The following PARD3 variants were observed in gnomAD, a reference collection of about 807,000 sequenced individuals.
The protein encoded by PARD3 is partitioning defective 3 homolog.
In PARD3, 75 loss-of-function variants were observed where a neutral mutation model predicts 155.4. That is an observed-to-expected ratio of 0.48 (90% confidence interval 0.40 to 0.58). The LOEUF (loss-of-function observed/expected upper bound fraction) is 0.58, where lower values mean the gene tolerates loss of function less well. Among genes scored for constraint, PARD3 ranks in the 20% least tolerant of loss-of-function variants. PARD3 has a pLI of 0.00. For missense variants in PARD3, 1,642 were observed against 1,721.7 expected (o/e 0.95, Z 0.82); for synonymous variants, 576 against 610.5 (o/e 0.94, Z 0.83).
At chr10:34,128,273 G>T (rs1947395641) in intron 23 of PARD3, among the ~76,000 whole-genome samples, 1 of 152,142 alleles carries the variant, frequency 6.6e-6, no homozygotes, top group South Asian at 2.1e-4. Context: ...GCCACTCTGA[G>T]ACAAGACTTA....
chr10:34,651,097 G>A (rs1424813860), intron 2 of PARD3, among the ~76,000 whole-genome samples: 3 of 147,458 alleles, frequency 2.0e-5, no homozygotes, highest in East Asian at 2.0e-4. Context: ...TCATGGTGGC[G>A]AAGGAATCAC....
intron 1 of PARD3, among the ~76,000 whole-genome samples, chr10:34,751,981 A>C (rs1276100895): frequency 1.3e-5 from 2 of 151,986 alleles, no homozygotes; most frequent in Non-Finnish European, 2.9e-5. Flanking sequence ...GGACTTTGCG[A>C]GTAGGTTTGT....
intron 19 of PARD3, among the ~76,000 whole-genome samples, chr10:34,321,553 T>C (rs968782428): frequency 9.9e-5 from 15 of 152,228 alleles, no homozygotes; most frequent in African/African-American, 2.9e-4. Flanking sequence ...ATCAGCTATG[T>C]TTCCATGTGA....
At chr10:34,242,134 T>G (rs1564512510) in intron 22 of PARD3, among the ~76,000 whole-genome samples, 1 of 152,184 alleles carries the variant, frequency 6.6e-6, no homozygotes, top group Non-Finnish European at 1.5e-5. Context: ...CTGGAGCTCA[T>G]GGGAGAGGTC....
intron 19 of PARD3, 108 bp from the exon 20 acceptor site, chr10:34,317,446 T>C (rs1958078763): frequency 8.7e-7 from 1 of 1,153,670 alleles, no homozygotes; most frequent in Admixed American, 2.8e-5. Flanking sequence ...TACTGCAGTA[T>C]GGCCCTGCTA....
intron 22 of PARD3, among the ~76,000 whole-genome samples, chr10:34,263,370 C>T (rs1955123974): frequency 6.6e-6 from 1 of 151,866 alleles, no homozygotes; most frequent in African/African-American, 2.4e-5. Context: ...CAGAAGAGCC[C>T]AGGAAGAAGA....
intron 2 of PARD3, among the ~76,000 whole-genome samples, chr10:34,602,858 T>G (rs1479555137): frequency 1.3e-5 from 2 of 152,194 alleles, no homozygotes; most frequent in Non-Finnish European, 2.9e-5. Flanking sequence ...TGAATTTTTT[T>G]TAAAGGCCTC....
intron 2 of PARD3, among the ~76,000 whole-genome samples, chr10:34,543,662 TA>T (rs1450021961): frequency 2.6e-5 from 4 of 152,190 alleles, no homozygotes; most frequent in African/African-American, 9.7e-5. Context: ...TTGTCAAAAA[TA>T]TTTTTTTAAA....
chr10:34,789,709 G>GCC (rs200691336), intron 1 of PARD3, among the ~76,000 whole-genome samples: 5 of 150,722 alleles, frequency 3.3e-5, no homozygotes, highest in Non-Finnish European at 2.9e-5. Flanking sequence ...GTTACCACCC[G>GCC]CCCCCCCAAA....
At chr10:34,149,476 A>G (rs1948678764) in intron 22 of PARD3, among the ~76,000 whole-genome samples, 1 of 152,166 alleles carries the variant, frequency 6.6e-6, no homozygotes, top group South Asian at 2.1e-4. Context: ...AGCCAATATG[A>G]CAAATGGTCA....
At chr10:34,761,419 A>G (rs1837426959) in intron 1 of PARD3, among the ~76,000 whole-genome samples, 1 of 152,200 alleles carries the variant, frequency 6.6e-6, no homozygotes, top group Non-Finnish European at 1.5e-5. Context: ...AAAAAATAAA[A>G]GGAATCCCCA....
chr10:34,762,666 C>T (rs968266435), intron 1 of PARD3, among the ~76,000 whole-genome samples: 3 of 152,064 alleles, frequency 2.0e-5, no homozygotes, highest in Non-Finnish European at 4.4e-5. Context: ...GACAAAAACT[C>T]TTACGTTCCA....
rs183330054 is a variant in PARD3, at chr10:34,435,460, G to A, written c.714+14857C>T. ...AGAGAAAGACTGCCAGATCCAAATA[G>A]GTAGTAAGATAATGAGAATACAAAT... is the stretch of plus-strand genomic sequence containing the variant. On this transcript the variant is annotated intron_variant, in intron 5 of 24. Transcript: ENST00000374788. Among the ~76,000 whole-genome samples the A allele has an allele frequency of 1.7e-3, 264 of 152,276 alleles. 1 individual carries two copies. The highest frequency in any genetic ancestry group is 6.2e-3 in the African/African-American group (258 of 41,548).
At chr10:34,436,205 A>G (rs1043372034) in intron 5 of PARD3, among the ~76,000 whole-genome samples, 5 of 152,230 alleles carry the variant, frequency 3.3e-5, no homozygotes, top group Admixed American at 2.0e-4. Flanking sequence ...ATGCTCTAAC[A>G]GAGCAAGAAG....
At chr10:34,697,035 AACAC>A (rs538032384) in intron 1 of PARD3, among the ~76,000 whole-genome samples, 6 of 136,852 alleles carry the variant, frequency 4.4e-5, no homozygotes, top group African/African-American at 1.2e-4. Context: ...AAAATGCGTA[AACAC>A]ACACACACAC....
intron 1 of PARD3, among the ~76,000 whole-genome samples, chr10:34,786,452 TAGG>T (rs1840974719): frequency 6.6e-6 from 1 of 152,208 alleles, no homozygotes; most frequent in African/African-American, 2.4e-5. Flanking sequence ...TTACAGCAGT[TAGG>T]CCCCATAAGA....
chr10:34,344,174 C>CTTACAAA, intron 15 of PARD3: 1 of 984,342 alleles, frequency 1.0e-6, no homozygotes, highest in Non-Finnish European at 1.2e-6. Flanking sequence ...AAGTCCCAGG[C>CTTACAAA]TTACAAATGA....
At chr10:34,233,466 A>C (rs750301369) in intron 22 of PARD3, among the ~76,000 whole-genome samples, 1 of 151,906 alleles carries the variant, frequency 6.6e-6, no homozygotes, top group Non-Finnish European at 1.5e-5. Flanking sequence ...TACCATCTGC[A>C]TGTTGATTTC....
intron 24 of PARD3, among the ~76,000 whole-genome samples, chr10:34,117,107 T>A: frequency 6.6e-6 from 1 of 152,196 alleles, no homozygotes; most frequent in Non-Finnish European, 1.5e-5. Flanking sequence ...GCAACTGCCC[T>A]GCCTTCCCGG....
Sources: allele counts gnomAD v4.1 joint callset (sites outside exome capture counted in the v4.1 genomes callset), GRCh38; gene constraint gnomAD v4.1.1; transcripts MANE v1.5; gene names NCBI Gene and HGNC (gene_info 2026-07-23, HGNC 2026-07-21).